UQCC6: variants seen among roughly 807,000 people sequenced by gnomAD.
The protein encoded by UQCC6 is protein BRAWNIN.
At chr12:103,960,329 T>C in the UQCC6 span, among the ~76,000 whole-genome samples, 1 of 151,786 alleles carries the variant, frequency 6.6e-6, no homozygotes, top group Non-Finnish European at 1.5e-5. Context: ...CCACCTAAGC[T>C]TCCCAAAGTG....
the UQCC6 span, among the ~76,000 whole-genome samples, chr12:103,958,237 C>G: frequency 2.0e-5 from 3 of 150,048 alleles, no homozygotes; most frequent in East Asian, 5.8e-4. Context: ...AAAGTTAGTG[C>G]AAGGCTAAAT....
the UQCC6 span, chr12:103,951,284 T>G: frequency 2.7e-6 from 1 of 370,744 alleles, no homozygotes; most frequent in East Asian, 4.3e-5. Context: ...TCGCGTTATA[T>G]TCAAGACTAA....
At chr12:103,952,513 G>A in the UQCC6 span, among the ~76,000 whole-genome samples, 1 of 152,160 alleles carries the variant, frequency 6.6e-6, no homozygotes, top group African/African-American at 2.4e-5. Flanking sequence ...GTGAATATGT[G>A]TTTTCATGTC....
chr12:103,965,236 G>A, the UQCC6 span, among the ~76,000 whole-genome samples: 55 of 152,334 alleles, frequency 3.6e-4, no homozygotes, highest in African/African-American at 1.3e-3. Flanking sequence ...AGAGGGGTTA[G>A]TCTGTAAGAT....
the UQCC6 span, chr12:103,955,629 T>G: frequency 2.4e-6 from 1 of 411,676 alleles, no homozygotes; most frequent in Non-Finnish European, 4.8e-6. Context: ...GAGACCTGTC[T>G]AATTTTTTTA....
chr12:103,961,252 ATG>A, the UQCC6 span, among the ~76,000 whole-genome samples: 2,751 of 152,312 alleles, frequency 0.018, 30 homozygotes, highest in Middle Eastern at 0.061. Flanking sequence ...TAGCTGTACA[ATG>A]TGTGTTTTAA....
the UQCC6 span, among the ~76,000 whole-genome samples, chr12:103,959,954 T>C: frequency 6.6e-6 from 1 of 151,238 alleles, no homozygotes; most frequent in Non-Finnish European, 1.5e-5. Flanking sequence ...TTTGTATTTT[T>C]AGTAGAGATG....
chr12:103,963,514 T>C, the UQCC6 span, among the ~76,000 whole-genome samples: 1 of 152,256 alleles, frequency 6.6e-6, no homozygotes, highest in Non-Finnish European at 1.5e-5. Flanking sequence ...CAAAAACGCT[T>C]ACCTGGATTT....
chr12:103,950,806 T>C, the UQCC6 span: 1 of 152,212 alleles, frequency 6.6e-6, no homozygotes, highest in East Asian at 1.9e-4. Context: ...ATGAAGTCAT[T>C]GTCTTACAGA....
the UQCC6 span, chr12:103,956,757 G>T: frequency 2.7e-6 from 4 of 1,505,880 alleles, no homozygotes; most frequent in Non-Finnish European, 3.6e-6. Context: ...GGCTGGACGG[G>T]GAAGGAAGGG....
chr12:103,958,314 G>A, the UQCC6 span, among the ~76,000 whole-genome samples: 1 of 151,836 alleles, frequency 6.6e-6, no homozygotes, highest in Admixed American at 6.6e-5. Context: ...TCTTATGGAG[G>A]TATATTTGAC....
the UQCC6 span, chr12:103,953,738 T>C: frequency 5.0e-6 from 3 of 596,610 alleles, no homozygotes; most frequent in African/African-American, 1.9e-5. Context: ...CCCTTCAATA[T>C]GGCCCTTCTA....
At chr12:103,951,720 A>G in the UQCC6 span, 3 of 708,914 alleles carry the variant, frequency 4.2e-6, no homozygotes, top group East Asian at 8.3e-5. Flanking sequence ...AAGAGTAAAA[A>G]ATAACAAAAA....
At chr12:103,961,794 AG>A in the UQCC6 span, among the ~76,000 whole-genome samples, 1 of 152,164 alleles carries the variant, frequency 6.6e-6, no homozygotes. Flanking sequence ...TCCTGAGCTC[AG>A]GTGATCCACA....
At chr12:103,959,279 G>C in the UQCC6 span, among the ~76,000 whole-genome samples, 1 of 152,156 alleles carries the variant, frequency 6.6e-6, no homozygotes, top group Non-Finnish European at 1.5e-5. Context: ...TCGGTTGATA[G>C]ATATAAAGCT....
the UQCC6 span, chr12:103,955,854 G>A: frequency 2.2e-6 from 1 of 452,044 alleles, no homozygotes; most frequent in African/African-American, 2.0e-5. Context: ...TTCCTGAAAA[G>A]AACCTTTAAT....
At chr12:103,956,297 A>C in the UQCC6 span, 1 of 212,680 alleles carries the variant, frequency 4.7e-6, no homozygotes, top group East Asian at 1.2e-4. Context: ...AGGTTTGATG[A>C]GTTGGAGAAA....
At chr12:103,956,658 C>A in the UQCC6 span, 1 of 1,551,600 alleles carries the variant, frequency 6.4e-7, no homozygotes, top group South Asian at 1.2e-5. Context: ...ACCTGTGCAC[C>A]ACTTCTGCCC....
chr12:103,961,312 C>A, the UQCC6 span, among the ~76,000 whole-genome samples: 1 of 152,100 alleles, frequency 6.6e-6, no homozygotes, highest in African/African-American at 2.4e-5. Flanking sequence ...ATTAAAAAGT[C>A]TATAAAGTTA....
Sources: gnomAD v4.1 joint callset for allele counts (sites outside exome capture counted in the v4.1 genomes callset) on GRCh38, gnomAD v4.1.1 for gene constraint, MANE v1.5 for transcripts, NCBI Gene and HGNC (gene_info 2026-07-23, HGNC 2026-07-21) for gene names.